Variants in PAK1 observed in about 807,000 individuals in gnomAD.
PAK1 encodes p21 (RAC1) activated kinase 1.
A neutral mutation model predicts 67.4 loss-of-function variants in PAK1; 29 were observed. The ratio of observed to expected loss-of-function variants is 0.43; its 90% CI spans 0.32 to 0.59. PAK1 has a LOEUF of 0.59. PAK1 is among the 20% of genes least tolerant of loss of function. The pLI is 0.07. For missense variants in PAK1, 337 were observed against 670.7 expected (o/e 0.50, Z 5.50); for synonymous variants, 223 against 237.4 (o/e 0.94, Z 0.56).
At chr11:77,407,544 CT>C (rs1953782226) in intron 1 of PAK1, among the ~76,000 whole-genome samples, 1 of 152,166 alleles carries the variant, frequency 6.6e-6, no homozygotes, top group Non-Finnish European at 1.5e-5. Context: ...TGAAAATGCA[CT>C]CGGGAACAAC....
rs150979313 is a variant in PAK1 at position 77,331,341 on chromosome 11, T to G, written c.1551+1389A>C. 5.9e-3 allele frequency among the ~76,000 whole-genome samples: 906 copies of G among 152,306 alleles called. 10 individuals are homozygous for G. Among genetic ancestry groups the G allele is most frequent in the African/African-American group, 0.021 (872 of 41,554 alleles). Reference sequence around the variant, plus strand: ...CTGTAAAGACACATGCACACGTATGTTTATAGTGGCACTATTCACAACAGC... The same window carrying G: ...CTGTAAAGACACATGCACACGTATGGTTATAGTGGCACTATTCACAACAGC... On this transcript the variant is annotated intron_variant, in intron 14 of 14. Transcript: ENST00000356341.
chr11:77,389,292 G>T (rs1046882551), intron 2 of PAK1, among the ~76,000 whole-genome samples: 2 of 152,176 alleles, frequency 1.3e-5, no homozygotes, highest in Non-Finnish European at 2.9e-5. Context: ...ATATTTCATT[G>T]TATGGATATT....
At chr11:77,460,226 A>AAGGAAGGG (rs531963668) in intron 1 of PAK1, among the ~76,000 whole-genome samples, 45 of 151,276 alleles carry the variant, frequency 3.0e-4, no homozygotes, top group East Asian at 2.1e-3. Context: ...GAAAAAAAAG[A>AAGGAAGGG]AGGAAGGGAG....
the PAK1 span, among the ~76,000 whole-genome samples, chr11:77,494,737 G>T: frequency 6.6e-6 from 1 of 152,148 alleles, no homozygotes; most frequent in Admixed American, 6.5e-5. Flanking sequence ...TTTAAAAATA[G>T]GGCCAGGCAT....
the PAK1 span, among the ~76,000 whole-genome samples, chr11:77,512,994 T>C: frequency 6.6e-6 from 1 of 152,062 alleles, no homozygotes; most frequent in African/African-American, 2.4e-5. Flanking sequence ...CTTGGGAAGC[T>C]GAGGTGGGAG....
intron 1 of PAK1, among the ~76,000 whole-genome samples, chr11:77,417,226 A>G (rs913531016): frequency 6.6e-6 from 1 of 152,238 alleles, no homozygotes; most frequent in African/African-American, 2.4e-5. Context: ...TAAAAACTGG[A>G]AGCGACTGAG....
chr11:77,403,360 C>T (rs1952977916), intron 1 of PAK1, among the ~76,000 whole-genome samples: 1 of 152,118 alleles, frequency 6.6e-6, no homozygotes, highest in Non-Finnish European at 1.5e-5. Flanking sequence ...ATGTCAACAC[C>T]CTGGCCACTC....
chr11:77,379,057 G>A (rs1949478878), intron 4 of PAK1, 184 bp downstream of exon 4: 1 of 585,968 alleles, frequency 1.7e-6, no homozygotes, highest in Admixed American at 2.7e-5. Context: ...GTGACAGAGT[G>A]AAGACTCAAG....
At chr11:77,483,128 C>A in the PAK1 span, among the ~76,000 whole-genome samples, 1 of 148,996 alleles carries the variant, frequency 6.7e-6, no homozygotes, top group Non-Finnish European at 1.5e-5. Flanking sequence ...ACCTAAGAGG[C>A]GGAGGTTGCA....
chr11:77,529,200 A>T, the PAK1 span, among the ~76,000 whole-genome samples: 1 of 152,226 alleles, frequency 6.6e-6, no homozygotes, highest in Admixed American at 6.5e-5. Context: ...CACAAGAATC[A>T]TTGAGCTTTT....
At chr11:77,425,318 C>T (rs1955493457) in intron 1 of PAK1, among the ~76,000 whole-genome samples, 1 of 150,586 alleles carries the variant, frequency 6.6e-6, no homozygotes, top group Non-Finnish European at 1.5e-5. Context: ...AATCTTTCTT[C>T]TCACTTTAAT....
the PAK1 span, among the ~76,000 whole-genome samples, chr11:77,504,869 T>A: frequency 2.6e-5 from 4 of 152,228 alleles, no homozygotes; most frequent in Non-Finnish European, 4.4e-5. Context: ...TCAAGTATTC[T>A]ACAGACATTA....
chr11:77,462,483 ATT>A (rs112024629), intron 1 of PAK1, among the ~76,000 whole-genome samples: 2 of 148,854 alleles, frequency 1.3e-5, no homozygotes, highest in African/African-American at 4.9e-5. Flanking sequence ...CATTGAAAGG[ATT>A]TTTTTTTTTA....
At chr11:77,465,723 G>A (rs759161310) in intron 1 of PAK1, among the ~76,000 whole-genome samples, 5 of 152,098 alleles carry the variant, frequency 3.3e-5, no homozygotes, top group Non-Finnish European at 7.4e-5. Flanking sequence ...CAGCACGTTG[G>A]GAGGCTGAGG....
At chr11:77,499,055 A>G in the PAK1 span, among the ~76,000 whole-genome samples, 1 of 151,918 alleles carries the variant, frequency 6.6e-6, no homozygotes, top group Non-Finnish European at 1.5e-5. Context: ...GAAGTCTAAT[A>G]TAAAGCCTTC....
chr11:77,403,966 G>A (rs534883174), intron 1 of PAK1, among the ~76,000 whole-genome samples: 1 of 152,184 alleles, frequency 6.6e-6, no homozygotes, highest in South Asian at 2.1e-4. Context: ...GTGGGTTCCT[G>A]ATCAAAAGGA....
At chr11:77,459,690 C>CTTTTTTT (rs755731892) in intron 1 of PAK1, among the ~76,000 whole-genome samples, 4 of 134,560 alleles carry the variant, frequency 3.0e-5, no homozygotes, top group Non-Finnish European at 4.8e-5. Context: ...TCTTCTTCTT[C>CTTTTTTT]TTTTTTTTTT....
chr11:77,509,779 G>A, the PAK1 span, among the ~76,000 whole-genome samples: 1 of 152,188 alleles, frequency 6.6e-6, no homozygotes, highest in Non-Finnish European at 1.5e-5. Flanking sequence ...ACCGTGTGAA[G>A]TGCCTACTTC....
chr11:77,500,505 T>C, the PAK1 span, among the ~76,000 whole-genome samples: 1 of 151,880 alleles, frequency 6.6e-6, no homozygotes, highest in Non-Finnish European at 1.5e-5. Context: ...TTAACTGGAT[T>C]CCTCCCTCCA....
Sources: allele counts gnomAD v4.1 joint callset (sites outside exome capture counted in the v4.1 genomes callset), GRCh38; gene constraint gnomAD v4.1.1; transcripts MANE v1.5; gene names NCBI Gene and HGNC (gene_info 2026-07-23, HGNC 2026-07-21).